MCM8: variants seen among roughly 807,000 people sequenced by gnomAD.
MCM8 encodes the protein DNA helicase MCM8.
In MCM8, 85 loss-of-function variants were observed where a neutral mutation model predicts 98.9. The observed-to-expected ratio is 0.86, with a 90% CI of 0.72 to 1.03. The LOEUF (loss-of-function observed/expected upper bound fraction) is 1.03, where lower values mean the gene tolerates loss of function less well. MCM8 is among the 50% of genes least tolerant of loss of function. MCM8 has a pLI of 0.00. For missense variants in MCM8, 951 were observed against 997.8 expected, an observed-to-expected ratio of 0.95 and a Z score of 0.63; for synonymous variants, 352 against 338.6, an observed-to-expected ratio of 1.04 and a Z score of -0.44.
intron 18 of MCM8, 83 bp downstream of exon 18, chr20:5,993,778 T>TATTTAAA: frequency 5.2e-6 from 6 of 1,154,636 alleles, no homozygotes; most frequent in Non-Finnish European, 7.2e-6. Flanking sequence ...AGTTTTTACT[T>TATTTAAA]ATTTAAAATT....
chr20:5,968,047 A>G (rs2089316232), intron 10 of MCM8, 22 bp downstream of exon 10: 1 of 1,577,750 alleles, frequency 6.3e-7, no homozygotes, highest in Non-Finnish European at 8.6e-7. Flanking sequence ...GTCATTTGAA[A>G]TTTTATTACA....
At position 5,986,048 on chromosome 20, in the gene MCM8, C is replaced by G; in HGVS notation, c.2080C>G (p.Leu694Val). The change falls in exon 16 of 19, where the codon CTT (leucine) becomes GTT (valine). Residue 694 changes from leucine (L) to valine (V), a missense_variant. Leu to Val is a conservative substitution (Grantham distance 32, BLOSUM62 1). Coordinates refer to ENST00000610722, the MANE Select transcript of MCM8 (RefSeq NM_032485.6). The part of the protein sequence containing the change: ...EAARVLQDFY[L>V]ELRKQSQRLN... The stretch of plus-strand genomic sequence containing the variant: ...TGCTCGAGTTCTTCAAGATTTTTAC[C>G]TTGAGCTCCGGAAACAGAGCCAGAG... 6.2e-7 allele frequency: 1 copy of G among 1,614,138 alleles called. No individual in the cohort carries two copies. The highest frequency in any genetic ancestry group is 1.3e-5 in the African/African-American group (1 of 75,022).
chr20:5,967,524 A>G lies in MCM8; in HGVS notation c.964A>G (p.Ser322Gly), dbSNP rs1302795196. 4 of 1,614,022 alleles carry G rather than the reference A, an allele frequency of 2.5e-6. No individual in the cohort carries two copies. The highest frequency in any genetic ancestry group is 2.2e-5 in the East Asian group (1 of 44,874). Residue 322 changes from serine to glycine, a missense_variant, in exon 9 of 19, where the codon AGC becomes GGC. Coordinates refer to ENST00000610722, the MANE Select transcript of MCM8 (RefSeq NM_032485.6). ...TGAGCTTGTTCATGATCTTGTGGAT[A>G]GCTGTGTCCCGGGAGACACAGTGAC... ...ECELVHDLVDSCVPGDTVTIT... is the reference protein window; with the variant it reads ...ECELVHDLVDGCVPGDTVTIT...
rs2089179809 is a variant in MCM8 at position 5,962,696 on chromosome 20, G to A, written c.790-578G>A. Among the ~76,000 whole-genome samples, 4 of 152,306 alleles carry A rather than the reference G, an allele frequency of 2.6e-5. No homozygotes were observed. The South Asian group carries it at 8.3e-4, about 32-fold the overall frequency. On this transcript the variant is annotated intron_variant, in intron 7 of 18. Coordinates refer to ENST00000610722, the MANE Select transcript of MCM8 (RefSeq NM_032485.6). ...GCCTTCATTTCTTAATGGAGGAGTA[G>A]CAAGGTTCTAAAAAGTCTTGAAGAT...
intron 14 of MCM8, among the ~76,000 whole-genome samples, chr20:5,983,575 C>G (rs576172605): frequency 3.3e-5 from 5 of 152,206 alleles, no homozygotes; most frequent in Admixed American, 2.0e-4. Flanking sequence ...TGGCAGCCGC[C>G]TGTAATCTCA....
At chr20:5,976,148 T>G (rs1040370927) in intron 12 of MCM8, among the ~76,000 whole-genome samples, 1 of 152,040 alleles carries the variant, frequency 6.6e-6, no homozygotes, top group African/African-American at 2.4e-5. Context: ...TAAAAAAAAT[T>G]AGGTGTGGTG....
In MCM8 at chr20:5,967,431, T is replaced by G; in HGVS notation, c.876-5T>G. ...TTCTAACTGAAAACTATTTAAACTTTTTAGAATCCAGGAATTGATGTCTGA... is the reference window on the plus strand; with the variant it reads ...TTCTAACTGAAAACTATTTAAACTTGTTAGAATCCAGGAATTGATGTCTGA... On this transcript the variant is annotated splice_region_variant and splice_polypyrimidine_tract_variant and intron_variant, in intron 8 of 18. Transcript: ENST00000610722. 13 of 1,612,002 alleles carry G rather than the reference T, an allele frequency of 8.1e-6. No individual in the cohort carries two copies. The highest frequency in any genetic ancestry group is 1.1e-5 in the Non-Finnish European group (13 of 1,178,684).
chr20:5,968,852 A>G (rs1178734978), intron 10 of MCM8, among the ~76,000 whole-genome samples: 1 of 152,232 alleles, frequency 6.6e-6, no homozygotes, highest in Non-Finnish European at 1.5e-5. Context: ...GGTGTTGCTC[A>G]TAGAGATTCA....
At chr20:5,957,705 G>T (rs1208771517) in intron 6 of MCM8, among the ~76,000 whole-genome samples, 3 of 152,150 alleles carry the variant, frequency 2.0e-5, no homozygotes, top group Non-Finnish European at 4.4e-5. Flanking sequence ...AAATACTTCT[G>T]GTCCCAGGCA....
At chr20:5,984,746 C>CT in intron 14 of MCM8, 35 bp from the exon 15 acceptor site, 1 of 1,527,208 alleles carries the variant, frequency 6.5e-7, no homozygotes, top group East Asian at 2.3e-5. Context: ...CTTTTGATTC[C>CT]AATCATTGTT....
At chr20:5,963,093 T>TTG (rs2089189012) in intron 7 of MCM8, among the ~76,000 whole-genome samples, 181 bp from the exon 8 acceptor site, 1 of 152,206 alleles carries the variant, frequency 6.6e-6, no homozygotes, top group South Asian at 2.1e-4. Flanking sequence ...TCAAAAGCTG[T>TTG]CGATATTAAA....
chr20:5,950,974 G>C lies in MCM8; in HGVS notation c.-55G>C, dbSNP rs1273956990. The C allele has an allele frequency of 6.6e-6, 1 of 152,266 alleles. No homozygotes were observed. The highest frequency in any genetic ancestry group is 2.4e-5 in the African/African-American group (1 of 41,434). 9.4% of individuals were successfully genotyped at this position (152,266 alleles called of 1,614,324 possible). A position where few individuals can be genotyped will look rare whatever the true frequency, so the allele number is the denominator to read the frequency against. ...CGGACAGATCTGCGCGTATCCTGGA[G>C]CCGGCCCAGTTGTGAACTAGGAGAG... is the stretch of plus-strand genomic sequence containing the variant. On this transcript the variant is annotated 5_prime_UTR_variant, in exon 1 of 19. Coordinates refer to ENST00000610722, the MANE Select transcript of MCM8 (RefSeq NM_032485.6).
chr20:5,957,049 T>C (rs1024842328), intron 5 of MCM8, 77 bp from the exon 6 acceptor site: 5 of 837,656 alleles, frequency 6.0e-6, no homozygotes, highest in Admixed American at 5.7e-5. Flanking sequence ...AAACTTTATA[T>C]TCTCTATAAA....
chr20:5,958,800 A>G lies in MCM8; in HGVS notation c.789+74A>G, dbSNP rs2089058367. On this transcript the variant is annotated intron_variant, in intron 7 of 18. Transcript: ENST00000610722. ...AATCAGAATACAGAAAACATTTCCC[A>G]GTGTTTCTGAACACAGAGCTTATTT... is the stretch of plus-strand genomic sequence containing the variant. The G allele has an allele frequency of 2.2e-6, 3 of 1,356,714 alleles. No individual in the cohort carries two copies. In the East Asian group the frequency reaches 7.0e-5, roughly 32 times the overall value. The allele number at this position is 1,356,714 out of a possible 1,614,324, so 84.0% of individuals were successfully genotyped here.
chr20:5,963,830 C>A, intron 8 of MCM8, among the ~76,000 whole-genome samples: 1 of 152,198 alleles, frequency 6.6e-6, no homozygotes, highest in East Asian at 1.9e-4. Flanking sequence ...GCCACCGCTC[C>A]TAGCCTAATT....
At chr20:5,980,132 C>T (rs2089599888) in intron 13 of MCM8, among the ~76,000 whole-genome samples, 1 of 152,238 alleles carries the variant, frequency 6.6e-6, no homozygotes. Flanking sequence ...GTCCTGACCC[C>T]AGTGAGGTCT....
chr20:5,985,099 TACCA>T, intron 15 of MCM8, 99 bp downstream of exon 15: 1 of 876,388 alleles, frequency 1.1e-6, no homozygotes, highest in Non-Finnish European at 1.7e-6. Context: ...ACTTTTTTTT[TACCA>T]GAACTTTTTA....
intron 3 of MCM8, 63 bp downstream of exon 3, chr20:5,952,591 C>T (rs2088862974): frequency 7.6e-7 from 1 of 1,324,062 alleles, no homozygotes; most frequent in East Asian, 2.3e-5. Context: ...TCTTTGGATG[C>T]TACATCTTGT....
chr20:5,984,690 G>T lies in MCM8; in HGVS notation c.1734-91G>T. 8.6e-6 allele frequency: 9 copies of T among 1,049,518 alleles called. No individual in the cohort carries two copies. The South Asian group carries it at 1.2e-4, about 14-fold the overall frequency. The allele number at this position is 1,049,518 out of a possible 1,614,324, so 65.0% of individuals were successfully genotyped here. A position where few individuals can be genotyped will look rare whatever the true frequency, so the allele number is the denominator to read the frequency against. On this transcript the variant is annotated intron_variant, in intron 14 of 18. Coordinates refer to ENST00000610722, the MANE Select transcript of MCM8 (RefSeq NM_032485.6). ...AATCTTGGTTTTTCAAGTTCTGCGT[G>T]GAACTTGAGTAGTAAATAAGTGAGT...
Sources: allele counts gnomAD v4.1 joint callset (sites outside exome capture counted in the v4.1 genomes callset), GRCh38; gene constraint gnomAD v4.1.1; transcripts MANE v1.5; gene names NCBI Gene and HGNC (gene_info 2026-07-23, HGNC 2026-07-21).